The following ODAD2 variants were observed in gnomAD, a reference collection of about 807,000 sequenced individuals.
ODAD2 encodes the protein outer dynein arm docking complex subunit 2.
A neutral mutation model predicts 106.8 loss-of-function variants in ODAD2; 89 were observed. The observed-to-expected ratio is 0.83, with a 90% CI of 0.70 to 0.99. The LOEUF (loss-of-function observed/expected upper bound fraction) is 0.99, where lower values mean the gene tolerates loss of function less well. Among genes scored for constraint, ODAD2 ranks in the 50% least tolerant of loss-of-function variants. ODAD2 has a pLI of 0.00. For synonymous variants in ODAD2, 404 were observed against 436.2 expected (o/e 0.93, Z 0.92); for missense variants, 1,168 against 1,238.5 (o/e 0.94, Z 0.85).
At chr10:27,825,492 T>C (rs940886278) in intron 19 of ODAD2, among the ~76,000 whole-genome samples, 1 of 152,214 alleles carries the variant, frequency 6.6e-6, no homozygotes, top group African/African-American at 2.4e-5. Flanking sequence ...AATACTGAAC[T>C]CAGAAGTTGC....
intron 16 of ODAD2, among the ~76,000 whole-genome samples, chr10:27,923,699 G>A (rs75189290): frequency 0.012 from 1,862 of 152,102 alleles, 35 homozygotes; most frequent in African/African-American, 0.042. Context: ...TGTAATCTCA[G>A]TGCTTTGAGA....
intron 10 of ODAD2, among the ~76,000 whole-genome samples, chr10:27,959,914 G>A (rs1848006447): frequency 1.3e-5 from 2 of 151,968 alleles, no homozygotes; most frequent in African/African-American, 4.8e-5. Context: ...CAGAATATGT[G>A]ACATAATTAT....
chr10:27,815,806 G>C (rs1197804431), intron 19 of ODAD2, among the ~76,000 whole-genome samples: 1 of 152,026 alleles, frequency 6.6e-6, no homozygotes, highest in Non-Finnish European at 1.5e-5. Context: ...CATTCATATG[G>C]AACCATCTTC....
At chr10:27,933,735 C>T (rs7084678) in intron 16 of ODAD2, among the ~76,000 whole-genome samples, 7 of 152,162 alleles carry the variant, frequency 4.6e-5, no homozygotes, top group African/African-American at 1.4e-4. Context: ...TAGCAAAGTG[C>T]GTTTCAAAAA....
chr10:27,938,308 C>T (rs1846138620), intron 14 of ODAD2, among the ~76,000 whole-genome samples: 1 of 152,112 alleles, frequency 6.6e-6, no homozygotes, highest in South Asian at 2.1e-4. Context: ...TTCAAAATTA[C>T]TTGAGTAGGC....
At chr10:27,859,031 C>T (rs1464689731) in intron 19 of ODAD2, among the ~76,000 whole-genome samples, 2 of 146,348 alleles carry the variant, frequency 1.4e-5, no homozygotes, top group African/African-American at 5.1e-5. Context: ...GACATTTTTA[C>T]CTGGCTACTT....
At chr10:27,992,185 C>G (rs1375465383) in intron 2 of ODAD2, among the ~76,000 whole-genome samples, 1 of 152,166 alleles carries the variant, frequency 6.6e-6, no homozygotes, top group Non-Finnish European at 1.5e-5. Context: ...CAGCGCCAGG[C>G]AAGCATGGTT....
At chr10:27,858,259 T>G (rs1839796404) in intron 19 of ODAD2, among the ~76,000 whole-genome samples, 1 of 152,184 alleles carries the variant, frequency 6.6e-6, no homozygotes, top group Non-Finnish European at 1.5e-5. Context: ...CACAGGTTGT[T>G]ATGCTTCCCC....
chr10:27,896,844 A>G (rs955698900), intron 17 of ODAD2, among the ~76,000 whole-genome samples: 2 of 152,088 alleles, frequency 1.3e-5, no homozygotes, highest in African/African-American at 4.8e-5. Flanking sequence ...AACCTGAGCT[A>G]TCTTCTGGAT....
At chr10:27,911,240 T>G (rs1159879418) in intron 16 of ODAD2, among the ~76,000 whole-genome samples, 1 of 152,148 alleles carries the variant, frequency 6.6e-6, no homozygotes, top group Non-Finnish European at 1.5e-5. Context: ...CTGTTCACAG[T>G]GTGAGAGCTG....
chr10:27,921,194 C>T (rs1178329586), intron 16 of ODAD2, among the ~76,000 whole-genome samples: 3 of 151,246 alleles, frequency 2.0e-5, no homozygotes, highest in Non-Finnish European at 2.9e-5. Flanking sequence ...CTAAAGAACA[C>T]GAAATTTGGA....
At chr10:27,823,531 T>G (rs568131332) in intron 19 of ODAD2, among the ~76,000 whole-genome samples, 9 of 152,324 alleles carry the variant, frequency 5.9e-5, no homozygotes, top group African/African-American at 2.2e-4. Context: ...GGATTTTTAA[T>G]AGTACTTTCC....
At chr10:27,882,233 G>GAAATAAATAAAT (rs1277386934) in intron 17 of ODAD2, among the ~76,000 whole-genome samples, 2 of 145,248 alleles carry the variant, frequency 1.4e-5, no homozygotes, top group East Asian at 2.0e-4. Context: ...AAGAAAGAAA[G>GAAATAAATAAAT]AAATATGAAC....
chr10:27,957,471 C>CA (rs1336700660), intron 10 of ODAD2: 1 of 152,148 alleles, frequency 6.6e-6, no homozygotes, highest in Non-Finnish European at 1.5e-5. Context: ...GATAGTAAGA[C>CA]AGACAACCTG....
chr10:27,896,418 C>G (rs946842073), intron 17 of ODAD2, among the ~76,000 whole-genome samples: 3 of 152,052 alleles, frequency 2.0e-5, no homozygotes, highest in African/African-American at 7.2e-5. Context: ...AATGGGTAGG[C>G]AATATTCAAA....
chr10:27,889,289 C>CT (rs552557682), intron 17 of ODAD2, among the ~76,000 whole-genome samples: 118 of 152,222 alleles, frequency 7.8e-4, no homozygotes, highest in African/African-American at 2.8e-3. Flanking sequence ...GGGGTAGTTG[C>CT]TAAAGCAGGG....
At chr10:27,890,123 C>T (rs1036301131) in intron 17 of ODAD2, among the ~76,000 whole-genome samples, 4 of 152,228 alleles carry the variant, frequency 2.6e-5, no homozygotes. Context: ...AATGAGGGAA[C>T]CGAAGATAGC....
At chr10:27,843,240 A>G (rs1337023480) in intron 19 of ODAD2, among the ~76,000 whole-genome samples, 2 of 152,244 alleles carry the variant, frequency 1.3e-5, no homozygotes, top group African/African-American at 4.8e-5. Flanking sequence ...TTAAAATAAA[A>G]ACAGCCTATC....
chr10:27,891,385 T>C (rs74127142), intron 17 of ODAD2, among the ~76,000 whole-genome samples: 16 of 151,946 alleles, frequency 1.1e-4, no homozygotes, highest in Admixed American at 7.2e-4. Context: ...TTTGTTTTTT[T>C]TTTTTCCTTC....
Sources: gnomAD v4.1 joint callset for allele counts (sites outside exome capture counted in the v4.1 genomes callset) on GRCh38, gnomAD v4.1.1 for gene constraint, MANE v1.5 for transcripts, NCBI Gene and HGNC (gene_info 2026-07-23, HGNC 2026-07-21) for gene names.